PCDHA4: variants seen among roughly 807,000 people sequenced by gnomAD.
PCDHA4 encodes the protein protocadherin alpha-4.
Under a neutral mutation model 61.4 loss-of-function variants are expected in PCDHA4, and 49 were observed. That is an observed-to-expected ratio of 0.80 (90% CI 0.63 to 1.01). The LOEUF (loss-of-function observed/expected upper bound fraction) is 1.01, where lower values mean the gene tolerates loss of function less well. Among genes scored for constraint, PCDHA4 ranks in the 50% least tolerant of loss-of-function variants. The probability of loss-of-function intolerance (pLI) is 0.00; values close to 1 mark genes in which losing one functional copy is unlikely to be tolerated. For missense variants in PCDHA4, 1,254 were observed against 1,235.8 expected, an observed-to-expected ratio of 1.01 and a Z score of -0.22; for synonymous variants, 590 against 550.3, an observed-to-expected ratio of 1.07 and a Z score of -1.01.
rs180868237 is a variant in PCDHA4 at position 140,870,334 on chromosome 5, G to A, written c.2385+60762G>A. 21 of 1,614,166 alleles carry A rather than the reference G, an allele frequency of 1.3e-5. No individual in the cohort carries two copies. The Admixed American group carries it at 2.3e-4, about 18-fold the overall frequency. On this transcript the variant is annotated intron_variant, in intron 1 of 3. Transcript: ENST00000530339. ...TTACTACTCGTTGGTGCTGGACAGC[G>A]CCCTGGACCGCGAGAACGTGTGGGC...
chr5:140,855,777 G>T (rs1004478743), intron 1 of PCDHA4: 3 of 402,200 alleles, frequency 7.5e-6, no homozygotes, highest in Non-Finnish European at 1.3e-5. Context: ...ATAAAAATAC[G>T]TAAAAAAAGA....
intron 1 of PCDHA4, among the ~76,000 whole-genome samples, chr5:140,959,306 T>C (rs1554224009): frequency 6.6e-6 from 1 of 152,072 alleles, no homozygotes. Flanking sequence ...AGCCCGGTGG[T>C]TGAAGCTGCA....
chr5:140,836,815 A>C, intron 1 of PCDHA4: 1 of 1,210,190 alleles, frequency 8.3e-7, no homozygotes, highest in Non-Finnish European at 1.1e-6. Flanking sequence ...TTCTTTCATA[A>C]TTTCTTTTTT....
intron 1 of PCDHA4, chr5:140,884,365 CT>C (rs1264541175): frequency 6.2e-7 from 1 of 1,613,846 alleles, no homozygotes; most frequent in Non-Finnish European, 8.5e-7. Context: ...TCAATGTTTA[CT>C]TGATCATTGC....
At chr5:140,838,881 C>T (rs2150293311) in intron 1 of PCDHA4, among the ~76,000 whole-genome samples, 1,566 of 151,954 alleles carry the variant, frequency 0.01, 49 homozygotes, top group African/African-American at 0.036. Flanking sequence ...TGCCACTGAA[C>T]TCCAGCCTAG....
At position 140,829,573 on chromosome 5, in the gene PCDHA4, G is replaced by T. The variant is rs149144253; in HGVS notation, c.2385+20001G>T. The T allele has an allele frequency of 5.4e-4, 868 of 1,612,504 alleles. 2 individuals carry two copies. The highest frequency in any genetic ancestry group is 3.7e-3 in the African/African-American group (279 of 75,014). The stretch of plus-strand genomic sequence containing the variant: ...AGAACGCGCTGGTGTCCTACTCGCT[G>T]GTGGAGCGGCGGGTGGGCGAGCGCG... On this transcript the variant is annotated intron_variant, in intron 1 of 3. Coordinates refer to ENST00000530339, the MANE Select transcript of PCDHA4 (RefSeq NM_018907.4).
At chr5:140,973,068 G>T (rs1563422416) in intron 1 of PCDHA4, among the ~76,000 whole-genome samples, 1 of 152,140 alleles carries the variant, frequency 6.6e-6, no homozygotes, top group Non-Finnish European at 1.5e-5. Context: ...CAGTGTCTCA[G>T]TGGGCCCAGC....
chr5:140,857,895 G>A lies in PCDHA4; in HGVS notation c.2385+48323G>A, dbSNP rs373881159. Reference sequence around the variant, plus strand: ...TATGAATTGCAGTCGGCGGCGGTTGGTGCACGCATCCCGTTTCGCGTGGGG... The same window carrying A: ...TATGAATTGCAGTCGGCGGCGGTTGATGCACGCATCCCGTTTCGCGTGGGG... On this transcript the variant is annotated intron_variant, in intron 1 of 3. Transcript: ENST00000530339. The A allele has an allele frequency of 3.9e-5, 62 of 1,597,752 alleles. 5 individuals carry two copies. Among genetic ancestry groups the A allele is most frequent in the Non-Finnish European group, 5.1e-5 (59 of 1,167,572 alleles).
At position 140,810,328 on chromosome 5, in the gene PCDHA4, A is replaced by C. The variant is rs149421696; in HGVS notation, c.2385+756A>C. 4 of 152,316 alleles carry C rather than the reference A, an allele frequency of 2.6e-5. No homozygotes were observed. The East Asian group carries it at 7.7e-4, about 29-fold the overall frequency. The allele number at this position is 152,316 out of a possible 1,614,324, so 9.4% of individuals were successfully genotyped here. Reference sequence around the variant, plus strand: ...ATTTCTTTGATGCCCATGTACACAGATTTCTCTCAGGTTTTTGCCTAAGAG... The same window carrying C: ...ATTTCTTTGATGCCCATGTACACAGCTTTCTCTCAGGTTTTTGCCTAAGAG... On this transcript the variant is annotated intron_variant, in intron 1 of 3. Transcript: ENST00000530339.
At chr5:140,849,605 C>G (rs1469942879) in intron 1 of PCDHA4, 1 of 1,598,466 alleles carries the variant, frequency 6.3e-7, no homozygotes, top group Non-Finnish European at 8.6e-7. Flanking sequence ...CAGTTATTGC[C>G]CTGATTAGTG....
rs193096250 is a variant in PCDHA4 at position 140,998,611 on chromosome 5, C to A, written c.2534-11016C>A. Among the ~76,000 whole-genome samples, 28 of 151,482 alleles carry A rather than the reference C, an allele frequency of 1.8e-4. No individual in the cohort carries two copies. The East Asian group carries it at 5.2e-3, about 28-fold the overall frequency. ...CAGAGTTTTGCTCTTGTTGCCCAGG[C>A]TGGAGTGCAATGGCACAATCTCAGC... On this transcript the variant is annotated intron_variant, in intron 3 of 3. Transcript: ENST00000530339.
intron 1 of PCDHA4, chr5:140,884,152 T>C (rs1279761986): frequency 1.9e-6 from 3 of 1,613,332 alleles, no homozygotes; most frequent in East Asian, 2.2e-5. Flanking sequence ...GGCTGTACAC[T>C]GGCGAGATCA....
chr5:140,879,872 T>C (rs944464993), intron 1 of PCDHA4, among the ~76,000 whole-genome samples: 1 of 152,208 alleles, frequency 6.6e-6, no homozygotes, highest in African/African-American at 2.4e-5. Context: ...GCTTTCATGG[T>C]CACATTGCCT....
intron 1 of PCDHA4, among the ~76,000 whole-genome samples, chr5:140,893,566 C>T (rs1283289530): frequency 6.6e-6 from 1 of 152,156 alleles, no homozygotes; most frequent in African/African-American, 2.4e-5. Flanking sequence ...AGTGTACTTC[C>T]TCAGTTTTTG....
At chr5:140,822,530 A>G (rs2150117058) in intron 1 of PCDHA4, 1 of 1,613,856 alleles carries the variant, frequency 6.2e-7, no homozygotes, top group Non-Finnish European at 8.5e-7. Context: ...AGATTGTTGG[A>G]AAATGCACCA....
At position 140,849,784 on chromosome 5, in the gene PCDHA4, G is replaced by A. The variant is rs2150449940; in HGVS notation, c.2385+40212G>A. The A allele has an allele frequency of 3.8e-6, 6 of 1,598,104 alleles. No homozygotes were observed. The East Asian group carries it at 1.3e-4, about 36-fold the overall frequency. ...GAGCTGGTGGTTACCGCGCGGGACG[G>A]GGGCTCGCCTTCACTGTGGGCCACG... On this transcript the variant is annotated intron_variant, in intron 1 of 3. Coordinates refer to ENST00000530339, the MANE Select transcript of PCDHA4 (RefSeq NM_018907.4).
chr5:140,889,983 T>C (rs1347862441), intron 1 of PCDHA4, among the ~76,000 whole-genome samples: 1 of 152,208 alleles, frequency 6.6e-6, no homozygotes, highest in Non-Finnish European at 1.5e-5. Flanking sequence ...TCTCCAGTTG[T>C]CTTAGCTTTC....
rs781928314 is a variant in PCDHA4 at position 140,876,618 on chromosome 5, T to A, written c.2385+67046T>A. On this transcript the variant is annotated intron_variant, in intron 1 of 3. Coordinates refer to ENST00000530339, the MANE Select transcript of PCDHA4 (RefSeq NM_018907.4). ...TGTCGGATCGTGACTCTGGAGCCAA[T>A]GGACAGGTCATCTGCTCACTGACAC... is the stretch of plus-strand genomic sequence containing the variant. 3.7e-6 allele frequency: 6 copies of A among 1,614,074 alleles called. No homozygotes were observed. The South Asian group carries it at 4.4e-5, about 12-fold the overall frequency.
At chr5:140,907,093 C>A (rs1303875069) in intron 1 of PCDHA4, among the ~76,000 whole-genome samples, 2 of 152,090 alleles carry the variant, frequency 1.3e-5, no homozygotes, top group Non-Finnish European at 2.9e-5. Flanking sequence ...GTAAGTGGTG[C>A]CACTTCCACT....
Sources: gnomAD v4.1 joint callset for allele counts (sites outside exome capture counted in the v4.1 genomes callset) on GRCh38, gnomAD v4.1.1 for gene constraint, MANE v1.5 for transcripts, NCBI Gene and HGNC (gene_info 2026-07-23, HGNC 2026-07-21) for gene names.